LRFN5: variants seen among roughly 807,000 people sequenced by gnomAD.
LRFN5 encodes the protein leucine-rich repeat and fibronectin type-III domain-containing protein 5.
LRFN5 carries 24 observed loss-of-function variants against 45.6 expected under a neutral mutation model. The ratio of observed to expected loss-of-function variants is 0.53; its 90% CI spans 0.38 to 0.74. LRFN5 has a LOEUF of 0.74. LRFN5 is among the 30% of genes least tolerant of loss of function. The pLI is 0.00. For synonymous variants in LRFN5, 340 were observed against 313.8 expected (o/e 1.08, Z -0.88); for missense variants, 776 against 861.5 (o/e 0.90, Z 1.24).
intron 2 of LRFN5, among the ~76,000 whole-genome samples, chr14:41,802,736 A>AT (rs879828581): frequency 4.0e-5 from 6 of 151,628 alleles, no homozygotes; most frequent in South Asian, 2.1e-4. Context: ...CATAGGCAGG[A>AT]TTTTTTTTTC....
At chr14:41,806,080 T>A (rs1245237937) in intron 2 of LRFN5, among the ~76,000 whole-genome samples, 1 of 152,164 alleles carries the variant, frequency 6.6e-6, no homozygotes, top group East Asian at 1.9e-4. Flanking sequence ...AAGAAATATA[T>A]TTTGGTGTAA....
intron 2 of LRFN5, among the ~76,000 whole-genome samples, chr14:41,864,280 T>G (rs1033643511): frequency 6.6e-6 from 1 of 152,296 alleles, no homozygotes; most frequent in Admixed American, 6.5e-5. Context: ...TAATTTACAC[T>G]CCCGCCAACC....
At chr14:41,643,163 C>T (rs1201562496) in intron 1 of LRFN5, among the ~76,000 whole-genome samples, 1 of 151,916 alleles carries the variant, frequency 6.6e-6, no homozygotes. Context: ...TAATGATTAC[C>T]TAGGTAGATA....
intron 1 of LRFN5, among the ~76,000 whole-genome samples, chr14:41,739,388 C>CATA (rs552095668): frequency 7.5e-6 from 1 of 133,274 alleles, no homozygotes; most frequent in Non-Finnish European, 1.5e-5. Flanking sequence ...TTGTGTCAAT[C>CATA]ATCATCATCA....
rs375020951 is a variant in LRFN5 at position 41,639,652 on chromosome 14, A to G, written c.-197+31090A>G. On this transcript the variant is annotated intron_variant, in intron 1 of 5. Coordinates refer to ENST00000298119, the MANE Select transcript of LRFN5 (RefSeq NM_152447.5). ...AAATGTAGGAGGACTGAACAGATAC[A>G]GGATAACAATGTTTAATTCTGGACT... is the stretch of plus-strand genomic sequence containing the variant. 3.3e-5 allele frequency among the ~76,000 whole-genome samples: 5 copies of G among 152,308 alleles called. No individual in the cohort carries two copies. The East Asian group carries it at 9.6e-4, about 29-fold the overall frequency.
At chr14:41,759,228 T>C (rs183746466) in intron 1 of LRFN5, among the ~76,000 whole-genome samples, 2 of 152,296 alleles carry the variant, frequency 1.3e-5, no homozygotes, top group East Asian at 3.9e-4. Context: ...CACACCCATA[T>C]TGCTTTTCAG....
At chr14:41,666,651 G>A (rs1026207370) in intron 1 of LRFN5, among the ~76,000 whole-genome samples, 1 of 152,042 alleles carries the variant, frequency 6.6e-6, no homozygotes. Flanking sequence ...TTCTTTTAAG[G>A]TTTCAATTTC....
chr14:41,674,784 G>T (rs1388208792), intron 1 of LRFN5, among the ~76,000 whole-genome samples: 2 of 151,284 alleles, frequency 1.3e-5, no homozygotes, highest in African/African-American at 4.9e-5. Context: ...CTGCCGGGCG[G>T]AGAGGCTCCT....
chr14:41,667,824 A>AGCAT (rs1445454525), intron 1 of LRFN5, among the ~76,000 whole-genome samples: 1 of 152,010 alleles, frequency 6.6e-6, no homozygotes, highest in Non-Finnish European at 1.5e-5. Flanking sequence ...ACAACTACTG[A>AGCAT]GCATGGCTTC....
Position 41,721,462 on chromosome 14 carries a change from C to T in LRFN5, c.-196-45392C>T, listed in dbSNP as rs1883709913. On this transcript the variant is annotated intron_variant, in intron 1 of 5. Coordinates refer to ENST00000298119, the MANE Select transcript of LRFN5 (RefSeq NM_152447.5). Reference sequence around the variant, plus strand: ...TTCTATTGTGTCGTTGCCTTATAGGCTCTGTGGACTATGTACTTAAGTGTG... The same window carrying T: ...TTCTATTGTGTCGTTGCCTTATAGGTTCTGTGGACTATGTACTTAAGTGTG... Among the ~76,000 whole-genome samples, 3 of 152,100 alleles carry T rather than the reference C, an allele frequency of 2.0e-5. No homozygotes were observed. In the South Asian group the frequency reaches 6.2e-4, roughly 31 times the overall value.
chr14:41,733,016 G>A (rs1474581139), intron 1 of LRFN5, among the ~76,000 whole-genome samples: 1 of 150,928 alleles, frequency 6.6e-6, no homozygotes, highest in Non-Finnish European at 1.5e-5. Context: ...CTTGAAGATA[G>A]AGCATTAAAA....
intron 1 of LRFN5, among the ~76,000 whole-genome samples, chr14:41,660,606 G>A (rs540262019): frequency 7.0e-4 from 107 of 152,016 alleles, no homozygotes; most frequent in African/African-American, 2.2e-3. Flanking sequence ...TCTGTTATTC[G>A]TGTATATCTC....
intron 1 of LRFN5, among the ~76,000 whole-genome samples, chr14:41,711,404 A>G (rs1476743171): frequency 6.6e-6 from 1 of 152,154 alleles, no homozygotes; most frequent in African/African-American, 2.4e-5. Context: ...GTCTCATAGG[A>G]GTTGCCTATA....
At chr14:41,778,862 T>C (rs1451316642) in intron 2 of LRFN5, among the ~76,000 whole-genome samples, 1 of 151,884 alleles carries the variant, frequency 6.6e-6, no homozygotes, top group Non-Finnish European at 1.5e-5. Flanking sequence ...GTACATATTT[T>C]GTTAAGTTTG....
chr14:41,614,671 C>T (rs573636369), intron 1 of LRFN5, among the ~76,000 whole-genome samples: 1 of 152,010 alleles, frequency 6.6e-6, no homozygotes, highest in Non-Finnish European at 1.5e-5. Flanking sequence ...AATTCTACCC[C>T]CCTTGGTCAC....
chr14:41,688,910 CAAAAAAA>C (rs59803978), intron 1 of LRFN5, among the ~76,000 whole-genome samples: 3 of 125,280 alleles, frequency 2.4e-5, no homozygotes, highest in South Asian at 4.8e-4. Flanking sequence ...CTATTTCTAC[CAAAAAAA>C]AAAAAAAAAA....
chr14:41,758,219 A>G (rs1885498543), intron 1 of LRFN5, among the ~76,000 whole-genome samples: 1 of 152,118 alleles, frequency 6.6e-6, no homozygotes, highest in Admixed American at 6.6e-5. Flanking sequence ...AATGAGACAC[A>G]TTGTTTTCCA....
intron 1 of LRFN5, among the ~76,000 whole-genome samples, chr14:41,746,602 C>T (rs553089777): frequency 2.0e-5 from 3 of 151,804 alleles, no homozygotes; most frequent in South Asian, 2.1e-4. Context: ...TACCTCTTTG[C>T]CAGTTATATT....
chr14:41,746,004 A>G (rs971414155), intron 1 of LRFN5, among the ~76,000 whole-genome samples: 10 of 152,096 alleles, frequency 6.6e-5, no homozygotes, highest in African/African-American at 2.4e-4. Context: ...TCATTCTATG[A>G]GGCCACCATT....
Sources: gnomAD v4.1 joint callset for allele counts (sites outside exome capture counted in the v4.1 genomes callset) on GRCh38, gnomAD v4.1.1 for gene constraint, MANE v1.5 for transcripts, NCBI Gene and HGNC (gene_info 2026-07-23, HGNC 2026-07-21) for gene names.